The following GRIP1 variants were observed in gnomAD, a reference collection of about 807,000 sequenced individuals.
GRIP1 encodes the protein glutamate receptor interacting protein 1.
A neutral mutation model predicts 129.9 loss-of-function variants in GRIP1; 45 were observed. The observed-to-expected ratio is 0.35, with a 90% CI of 0.27 to 0.44. The LOEUF is 0.44. GRIP1 is among the 20% of genes least tolerant of loss of function. The pLI is 1.00. For synonymous variants in GRIP1, 530 were observed against 520.8 expected, an observed-to-expected ratio of 1.02 and a Z score of -0.24; for missense variants, 1,196 against 1,396.8, an observed-to-expected ratio of 0.86 and a Z score of 2.29.
At chr12:66,710,791 A>T (rs1039212632) in intron 1 of GRIP1, among the ~76,000 whole-genome samples, 1 of 151,918 alleles carries the variant, frequency 6.6e-6, no homozygotes, top group African/African-American at 2.4e-5. Flanking sequence ...ATACAACCAC[A>T]TATTGCTATT....
chr12:66,759,269 C>A (rs1422497916), intron 1 of GRIP1, among the ~76,000 whole-genome samples: 1 of 152,240 alleles, frequency 6.6e-6, no homozygotes, highest in African/African-American at 2.4e-5. Flanking sequence ...TCTGAAGCCA[C>A]AGCATGAGTT....
chr12:66,718,922 A>G (rs1463814558), intron 1 of GRIP1, among the ~76,000 whole-genome samples: 1 of 152,114 alleles, frequency 6.6e-6, no homozygotes, highest in Non-Finnish European at 1.5e-5. Flanking sequence ...TGGTACATAT[A>G]AATGTTTCCT....
intron 15 of GRIP1, among the ~76,000 whole-genome samples, chr12:66,415,604 T>C (rs1462224466): frequency 1.3e-5 from 2 of 152,154 alleles, no homozygotes; most frequent in Non-Finnish European, 2.9e-5. Flanking sequence ...TATTCTATTA[T>C]AAAGATATAT....
At chr12:66,445,057 G>T (rs1254992571) in intron 12 of GRIP1, among the ~76,000 whole-genome samples, 1 of 152,164 alleles carries the variant, frequency 6.6e-6, no homozygotes, top group Non-Finnish European at 1.5e-5. Flanking sequence ...TGAACTTCAG[G>T]ATATGTTTAT....
At chr12:66,662,237 T>C (rs1344200299) in intron 1 of GRIP1, among the ~76,000 whole-genome samples, 2 of 152,170 alleles carry the variant, frequency 1.3e-5, no homozygotes, top group Non-Finnish European at 2.9e-5. Flanking sequence ...CTATTAATCC[T>C]GACTGCCCCC....
At chr12:66,532,295 T>C (rs1018230963) in intron 4 of GRIP1, among the ~76,000 whole-genome samples, 1 of 152,194 alleles carries the variant, frequency 6.6e-6, no homozygotes, top group Non-Finnish European at 1.5e-5. Flanking sequence ...TAATGACTCA[T>C]ACATATGTAT....
chr12:66,466,170 A>G (rs1013599386), intron 7 of GRIP1, among the ~76,000 whole-genome samples: 3 of 152,214 alleles, frequency 2.0e-5, no homozygotes, highest in Non-Finnish European at 4.4e-5. Flanking sequence ...GGAAGCCTAA[A>G]TTGTAATTTG....
rs35635542 is a variant in GRIP1, at chr12:66,377,328, ATTT to A, written c.2622-46_2622-44del. On this transcript the variant is annotated intron_variant, in intron 20 of 24. Transcript: ENST00000359742. The stretch of plus-strand genomic sequence containing the variant: ...AGGCTGGGTTAGGAACTTGCCAGAC[ATTT>A]TTTTTTTTTTTTTTGAGACGGAGTC... 1,028 of 1,026,594 alleles carry A rather than the reference ATTT, an allele frequency of 1.0e-3. 3 individuals are homozygous for A. Among genetic ancestry groups the A allele is most frequent in the African/African-American group, 7.3e-3 (442 of 60,884 alleles). The allele number at this position is 1,026,594 out of a possible 1,614,324, so 63.6% of individuals were successfully genotyped here.
At chr12:66,870,504 T>G (rs976851006) in intron 1 of GRIP1, among the ~76,000 whole-genome samples, 1 of 152,154 alleles carries the variant, frequency 6.6e-6, no homozygotes, top group Non-Finnish European at 1.5e-5. Flanking sequence ...CAATATAGTC[T>G]GATGTGGTAT....
intron 1 of GRIP1, among the ~76,000 whole-genome samples, chr12:66,673,734 G>A (rs576010720): frequency 2.0e-5 from 3 of 152,238 alleles, no homozygotes; most frequent in Non-Finnish European, 4.4e-5. Context: ...ATCACAATCT[G>A]GACCACGAGC....
At chr12:66,476,633 A>G (rs1054199798) in intron 7 of GRIP1, among the ~76,000 whole-genome samples, 4 of 152,224 alleles carry the variant, frequency 2.6e-5, no homozygotes, top group African/African-American at 9.6e-5. Context: ...CCTCAATAAA[A>G]TACTGGCAAA....
intron 1 of GRIP1, among the ~76,000 whole-genome samples, chr12:67,066,888 T>TTATACA (rs2043636755): frequency 8.0e-6 from 1 of 125,662 alleles, no homozygotes; most frequent in Non-Finnish European, 1.6e-5. Flanking sequence ...AAATATATAT[T>TTATACA]TATATATATA....
At chr12:66,598,314 G>T (rs1263406745) in intron 1 of GRIP1, among the ~76,000 whole-genome samples, 1 of 152,132 alleles carries the variant, frequency 6.6e-6, no homozygotes, top group Admixed American at 6.5e-5. Context: ...GCTGTAAGTG[G>T]CAATTAACTT....
Position 66,946,574 on chromosome 12 carries a change from C to T in GRIP1, c.58+122476G>A, listed in dbSNP as rs898559504. On this transcript the variant is annotated intron_variant, in intron 1 of 1. Transcript: ENST00000643019. ...ATAGTTATTCTCAAATTTTAGCTAG[C>T]ATCAGAATGGAAGACTGGCTAAAAC... Among the ~76,000 whole-genome samples, 6 of 151,792 alleles carry T rather than the reference C, an allele frequency of 4.0e-5. No individual in the cohort carries two copies. In the East Asian group the frequency reaches 1.2e-3, roughly 29 times the overall value.
intron 23 of GRIP1, among the ~76,000 whole-genome samples, chr12:66,370,139 C>T (rs1331063627): frequency 1.3e-5 from 2 of 152,218 alleles, no homozygotes; most frequent in African/African-American, 4.8e-5. Context: ...CCATCCTCTA[C>T]CTTCCTCTGC....
intron 2 of GRIP1, among the ~76,000 whole-genome samples, chr12:66,583,707 T>G (rs71452315): frequency 0.022 from 2,829 of 126,832 alleles, 436 homozygotes; most frequent in African/African-American, 0.072. Context: ...ACCACAGTGA[T>G]ATACCATCTC....
At chr12:66,520,063 C>T (rs2060955508) in intron 5 of GRIP1, among the ~76,000 whole-genome samples, 2 of 152,174 alleles carry the variant, frequency 1.3e-5, no homozygotes, top group African/African-American at 4.8e-5. Context: ...TAATTCCATT[C>T]ATCAGCTAAA....
chr12:66,892,217 GC>G (rs1463386621), intron 1 of GRIP1, among the ~76,000 whole-genome samples: 4 of 152,054 alleles, frequency 2.6e-5, no homozygotes, highest in African/African-American at 9.7e-5. Context: ...CCATTGCACA[GC>G]CTGGAAGGGA....
chr12:67,023,030 G>A (rs1022042860), intron 1 of GRIP1, among the ~76,000 whole-genome samples: 1 of 152,052 alleles, frequency 6.6e-6, no homozygotes, highest in Non-Finnish European at 1.5e-5. Flanking sequence ...ACAGAGTTTT[G>A]AGAGTTCTTT....
Sources: allele counts gnomAD v4.1 joint callset (sites outside exome capture counted in the v4.1 genomes callset), GRCh38; gene constraint gnomAD v4.1.1; transcripts MANE v1.5; gene names NCBI Gene and HGNC (gene_info 2026-07-23, HGNC 2026-07-21).